The following MYO1D variants were observed in gnomAD, a reference collection of about 807,000 sequenced individuals.
MYO1D encodes unconventional myosin-Id.
In MYO1D, 83 loss-of-function variants were observed where a neutral mutation model predicts 122.0. That is an observed-to-expected ratio of 0.68 (90% CI 0.57 to 0.82). The LOEUF is 0.82. Ranked by LOEUF, MYO1D falls within the 40% of genes least tolerant of loss-of-function variation. MYO1D has a pLI of 0.00. For synonymous variants in MYO1D, 464 were observed against 446.9 expected (o/e 1.04, Z -0.48); for missense variants, 1,157 against 1,269.5 (o/e 0.91, Z 1.35).
intron 16 of MYO1D, among the ~76,000 whole-genome samples, chr17:32,662,230 A>T (rs1320007366): frequency 6.6e-6 from 1 of 152,194 alleles, no homozygotes; most frequent in Non-Finnish European, 1.5e-5. Flanking sequence ...GAAAAGGTGT[A>T]TGGCCAATAC....
chr17:32,736,742 G>C (rs571767455), intron 14 of MYO1D, among the ~76,000 whole-genome samples: 13 of 152,302 alleles, frequency 8.5e-5, no homozygotes, highest in Admixed American at 4.6e-4. Context: ...ACTAACTGTA[G>C]TTAACTGAAT....
intron 1 of MYO1D, among the ~76,000 whole-genome samples, chr17:32,851,514 A>G (rs1384183634): frequency 2.0e-5 from 3 of 152,158 alleles, no homozygotes; most frequent in Non-Finnish European, 4.4e-5. Context: ...CCTCAGCTCA[A>G]TGCAACCTGG....
chr17:32,709,172 G>A (rs553158312), intron 16 of MYO1D, among the ~76,000 whole-genome samples: 18 of 152,278 alleles, frequency 1.2e-4, no homozygotes, highest in Non-Finnish European at 1.9e-4. Context: ...TTCCAGGGTA[G>A]AGTGATTATG....
At chr17:32,759,339 C>T (rs8065849) in intron 10 of MYO1D, among the ~76,000 whole-genome samples, 104,604 of 151,898 alleles carry the variant, frequency 0.69, 36,284 homozygotes, top group Middle Eastern at 0.78. Context: ...TGTTATATCA[C>T]TGTCTCTTTA....
At chr17:32,786,576 T>C (rs1369295940) in intron 1 of MYO1D, among the ~76,000 whole-genome samples, 1 of 152,218 alleles carries the variant, frequency 6.6e-6, no homozygotes, top group Non-Finnish European at 1.5e-5. Context: ...CCCTAGCATT[T>C]TGGGAGGCTG....
At chr17:32,512,604 A>T (rs1220448854) in intron 21 of MYO1D, among the ~76,000 whole-genome samples, 1 of 152,212 alleles carries the variant, frequency 6.6e-6, no homozygotes, top group African/African-American at 2.4e-5. Flanking sequence ...CTAGGCTCTC[A>T]GCACTGGGTC....
chr17:32,858,039 C>A (rs1567674614), intron 1 of MYO1D, among the ~76,000 whole-genome samples: 4 of 152,280 alleles, frequency 2.6e-5, no homozygotes, highest in African/African-American at 4.8e-5. Context: ...AGCATAACAT[C>A]ATTTAATATT....
chr17:32,533,447 C>T (rs934474145), intron 21 of MYO1D, among the ~76,000 whole-genome samples: 1 of 152,170 alleles, frequency 6.6e-6, no homozygotes, highest in Non-Finnish European at 1.5e-5. Flanking sequence ...CTTCACTACT[C>T]AGACTCATCA....
intron 1 of MYO1D, among the ~76,000 whole-genome samples, chr17:32,828,529 A>G (rs905270582): frequency 1.7e-4 from 25 of 151,012 alleles, no homozygotes; most frequent in African/African-American, 5.8e-4. Context: ...AAAAAAAAAA[A>G]AAAAAAAAAA....
At chr17:32,561,040 T>C (rs1332232184) in intron 21 of MYO1D, among the ~76,000 whole-genome samples, 1 of 151,546 alleles carries the variant, frequency 6.6e-6, no homozygotes, top group Non-Finnish European at 1.5e-5. Context: ...ACCTCCTGAG[T>C]AGCTAGGATT....
intron 21 of MYO1D, among the ~76,000 whole-genome samples, chr17:32,598,306 G>A (rs1005229740): frequency 2.2e-4 from 34 of 152,224 alleles, no homozygotes; most frequent in African/African-American, 7.5e-4. Context: ...TACATGAAGC[G>A]GAGGTTGCAG....
chr17:32,845,617 G>A (rs187568432), intron 1 of MYO1D, among the ~76,000 whole-genome samples: 23 of 152,246 alleles, frequency 1.5e-4, no homozygotes, highest in East Asian at 1.4e-3. Context: ...GAGTGACAGC[G>A]TTGTCCTGCA....
intron 8 of MYO1D, among the ~76,000 whole-genome samples, chr17:32,764,370 TTAATAA>T (rs959792764): frequency 7.9e-5 from 12 of 152,258 alleles, no homozygotes; most frequent in African/African-American, 2.4e-4. Context: ...GTGGTGACTG[TTAATAA>T]TAATACTAAT....
At chr17:32,656,155 T>C (rs2088474530) in intron 17 of MYO1D, among the ~76,000 whole-genome samples, 1 of 152,220 alleles carries the variant, frequency 6.6e-6, no homozygotes, top group Non-Finnish European at 1.5e-5. Flanking sequence ...GTACGGAGGT[T>C]GGAAGCAAAC....
chr17:32,658,020 C>A (rs182080433), intron 17 of MYO1D, among the ~76,000 whole-genome samples: 2 of 152,208 alleles, frequency 1.3e-5, no homozygotes, highest in East Asian at 1.9e-4. Context: ...TATGTGACTA[C>A]GTAAAAAGCC....
chr17:32,821,534 T>TCACACACA (rs575314294), intron 1 of MYO1D, among the ~76,000 whole-genome samples: 2,528 of 143,130 alleles, frequency 0.018, 94 homozygotes, highest in African/African-American at 0.06. Context: ...GATAAGTAAA[T>TCACACACA]CACACATACA....
chr17:32,574,714 AAAAGT>A (rs1320333446), intron 21 of MYO1D, among the ~76,000 whole-genome samples: 2 of 152,242 alleles, frequency 1.3e-5, no homozygotes, highest in African/African-American at 4.8e-5. Flanking sequence ...TTGAGAAAAC[AAAAGT>A]AAAGGTACAC....
Position 32,763,055 on chromosome 17 carries a change from G to A in MYO1D, c.1035+1823C>T, listed in dbSNP as rs1275323889. ...TAAAAAATTAGCTGGGCGTGGTGGC[G>A]GTCGCCTGTAGTTCCAGCTACTTGG... On this transcript the variant is annotated intron_variant, in intron 8 of 21. Coordinates refer to ENST00000318217, the MANE Select transcript of MYO1D (RefSeq NM_015194.3). 1.5e-4 allele frequency among the ~76,000 whole-genome samples: 23 copies of A among 151,050 alleles called. No individual in the cohort carries two copies. The East Asian group carries it at 3.7e-3, about 25-fold the overall frequency.
chr17:32,776,369 CGTGTGT>C (rs1004098122), intron 3 of MYO1D, among the ~76,000 whole-genome samples: 1 of 151,374 alleles, frequency 6.6e-6, no homozygotes, highest in Non-Finnish European at 1.5e-5. Context: ...TGTATGTTCA[CGTGTGT>C]GTGTGTGTGC....
Sources: allele counts gnomAD v4.1 joint callset (sites outside exome capture counted in the v4.1 genomes callset), GRCh38; gene constraint gnomAD v4.1.1; transcripts MANE v1.5; gene names NCBI Gene and HGNC (gene_info 2026-07-23, HGNC 2026-07-21).